The following NR5A2 variants were observed in gnomAD, a reference collection of about 807,000 sequenced individuals.
The protein encoded by NR5A2 is nuclear receptor subfamily 5 group A member 2.
NR5A2 carries 26 observed loss-of-function variants against 62.7 expected under a neutral mutation model. That is an observed-to-expected ratio of 0.41 (90% CI 0.30 to 0.58). NR5A2 has a LOEUF of 0.58. Ranked by LOEUF, NR5A2 falls within the 20% of genes least tolerant of loss-of-function variation. The pLI is 0.22. For missense variants in NR5A2, 541 were observed against 669.1 expected (o/e 0.81, Z 2.11); for synonymous variants, 246 against 241.7 (o/e 1.02, Z -0.16).
Position 200,147,633 on chromosome 1 carries a change from C to T in NR5A2, c.1379-26330C>T. On this transcript the variant is annotated intron_variant, in intron 7 of 7. Coordinates refer to ENST00000367362, the MANE Select transcript of NR5A2 (RefSeq NM_205860.3). This position sits in a 1 kb window ranked among gnomAD's most constrained non-coding sequence, Gnocchi z 4.9. ...CGCACAGGCAGCGCCGCAGCTTGCC[C>T]TGGATCTTGTCGATTGAGTTGAAGT... is the stretch of plus-strand genomic sequence containing the variant. The T allele has an allele frequency of 1.4e-6, 1 of 711,094 alleles. No homozygotes were observed. Among genetic ancestry groups the T allele is most frequent in the Non-Finnish European group, 2.6e-6 (1 of 379,248 alleles). The allele number at this position is 711,094 out of a possible 1,614,324, so 44.0% of individuals were successfully genotyped here. A position where few individuals can be genotyped will look rare whatever the true frequency, so the allele number is the denominator to read the frequency against.
Position 200,048,088 on chromosome 1 carries a change from T to C in NR5A2, c.464-84T>C. On this transcript the variant is annotated intron_variant, in intron 4 of 7. Transcript: ENST00000367362. This position sits in a 1 kb window ranked among gnomAD's most constrained non-coding sequence, Gnocchi z 4.8. ...ACACACATACCACTTCTTGTCGATT[T>C]ACATTTCTAAATATCTGAAGAATGC... 7.6e-7 allele frequency: 1 copy of C among 1,317,174 alleles called. No homozygotes were observed. Among genetic ancestry groups the C allele is most frequent in the Non-Finnish European group, 1.0e-6 (1 of 955,458 alleles). 81.6% of individuals were successfully genotyped at this position (1,317,174 alleles called of 1,614,324 possible). A position where few individuals can be genotyped will look rare whatever the true frequency, so the allele number is the denominator to read the frequency against.
At chr1:200,131,226 GTGT>G (rs1283182839) in intron 7 of NR5A2, among the ~76,000 whole-genome samples, 1 of 151,462 alleles carries the variant, frequency 6.6e-6, no homozygotes, top group Non-Finnish European at 1.5e-5. Context: ...AGTATAATAG[GTGT>G]TGTGGATTTT....
At chr1:200,103,395 C>T (rs1476764729) in intron 5 of NR5A2, among the ~76,000 whole-genome samples, 2 of 152,056 alleles carry the variant, frequency 1.3e-5, no homozygotes, top group Non-Finnish European at 2.9e-5. Context: ...GCTGTAATTA[C>T]GGATGTGAGC....
chr1:200,033,842 G>A lies in NR5A2; in HGVS notation c.65-5816G>A, dbSNP rs575972985. Among the ~76,000 whole-genome samples, 23 of 152,270 alleles carry A rather than the reference G, an allele frequency of 1.5e-4. No individual in the cohort carries two copies. In the South Asian group the frequency reaches 4.8e-3, roughly 32 times the overall value. On this transcript the variant is annotated intron_variant, in intron 1 of 7. Transcript: ENST00000367362. ...TTGAGTGTGACGGTACCACTGTTAA[G>A]TCTTGCCTTTCCAAGCTCCCACTTT...
intron 7 of NR5A2, among the ~76,000 whole-genome samples, chr1:200,140,197 T>A (rs1234231908): frequency 6.6e-6 from 1 of 152,114 alleles, no homozygotes; most frequent in Non-Finnish European, 1.5e-5. Context: ...ATATCTTCTG[T>A]GTAGATTATT....
At chr1:200,029,063 TGA>T (rs2102129021) in intron 1 of NR5A2, 1 of 448,846 alleles carries the variant, frequency 2.2e-6, no homozygotes, top group African/African-American at 2.0e-5. Flanking sequence ...ACAAGAAAGA[TGA>T]GAGAGCAGCA....
chr1:200,073,298 TTA>T (rs771272912), intron 5 of NR5A2, among the ~76,000 whole-genome samples: 58,765 of 116,264 alleles, frequency 0.51, 15,848 homozygotes, highest in African/African-American at 0.55. Context: ...ATATTCCCCT[TTA>T]TATATATATA....
intron 7 of NR5A2, among the ~76,000 whole-genome samples, chr1:200,141,648 A>C (rs544211911): frequency 6.6e-6 from 1 of 152,232 alleles, no homozygotes; most frequent in Non-Finnish European, 1.5e-5. Context: ...TTGTTGGGTC[A>C]TATGGGAAAC....
intron 5 of NR5A2, among the ~76,000 whole-genome samples, chr1:200,049,819 C>T (rs1662543504): frequency 6.6e-6 from 1 of 152,166 alleles, no homozygotes; most frequent in African/African-American, 2.4e-5. Flanking sequence ...GCAAAGCCGA[C>T]TTTTAATTTT....
intron 7 of NR5A2, among the ~76,000 whole-genome samples, chr1:200,159,445 GCATAACGGGA>G (rs953889146): frequency 1.2e-4 from 19 of 152,076 alleles, no homozygotes; most frequent in African/African-American, 4.6e-4. Flanking sequence ...TTGGGCGAGA[GCATAACGGGA>G]CAGTAGAGAC....
chr1:200,119,656 T>C, intron 6 of NR5A2, among the ~76,000 whole-genome samples: 1 of 152,190 alleles, frequency 6.6e-6, no homozygotes. Context: ...AGACGGAGTC[T>C]GGCTTCTTCC....
intron 7 of NR5A2, among the ~76,000 whole-genome samples, chr1:200,164,969 C>T (rs956002699): frequency 2.1e-5 from 3 of 144,846 alleles, no homozygotes; most frequent in African/African-American, 7.8e-5. Flanking sequence ...CTCCAACTCC[C>T]GGATTCAAGT....
At chr1:200,120,158 A>G (rs1429427162) in intron 6 of NR5A2, among the ~76,000 whole-genome samples, 1 of 152,202 alleles carries the variant, frequency 6.6e-6, no homozygotes, top group Non-Finnish European at 1.5e-5. Flanking sequence ...TCTATAAAGA[A>G]TAATTTAAAT....
In NR5A2 at chr1:200,048,362, T is replaced by C. The variant is rs762696952; in HGVS notation, c.654T>C (p.Ser218=). ...TISSAIQNIH[S]ASKGLPLNHA... is the part of the protein sequence containing the mutation. ...CCTCTGCAATTCAAAACATCCACTC[T>C]GCCTCCAAAGGCCTACCTCTGAACC... Residue 218 remains serine (S), a synonymous_variant, in exon 5 of 8, where the codon TCT becomes TCC. Transcript: ENST00000367362. This position sits in a 1 kb window ranked among gnomAD's most constrained non-coding sequence, Gnocchi z 4.8. The C allele has an allele frequency of 1.5e-5, 24 of 1,614,090 alleles. No homozygotes were observed. The highest frequency in any genetic ancestry group is 2.7e-5 in the African/African-American group (2 of 74,926).
intron 7 of NR5A2, among the ~76,000 whole-genome samples, chr1:200,162,180 G>T (rs61826184): frequency 0.35 from 52,509 of 152,086 alleles, 11,449 homozygotes; most frequent in African/African-American, 0.63. Flanking sequence ...ATTAACAAGA[G>T]AGACATATCC....
chr1:200,116,190 C>A (rs1042395060), intron 6 of NR5A2, among the ~76,000 whole-genome samples: 5 of 152,074 alleles, frequency 3.3e-5, no homozygotes, highest in African/African-American at 4.8e-5. Context: ...TTTGTTTCAC[C>A]TTGAAAGCAT....
intron 5 of NR5A2, among the ~76,000 whole-genome samples, chr1:200,096,242 C>A (rs111706453): frequency 0.085 from 12,938 of 152,164 alleles, 719 homozygotes; most frequent in Non-Finnish European, 0.13. Flanking sequence ...TGTGCGCCAC[C>A]ATGCCTGACT....
intron 7 of NR5A2, chr1:200,148,138 TG>T: frequency 2.8e-6 from 1 of 363,140 alleles, no homozygotes; most frequent in Non-Finnish European, 4.5e-6. Context: ...TTGCCCACGC[TG>T]GAGGAGGTGT....
chr1:200,041,100 G>A (rs1662050737), intron 2 of NR5A2, among the ~76,000 whole-genome samples: 1 of 152,156 alleles, frequency 6.6e-6, no homozygotes, highest in African/African-American at 2.4e-5. Flanking sequence ...CTGGGTTGGG[G>A]GACCTCAGCC....
Sources: gnomAD v4.1 joint callset for allele counts (sites outside exome capture counted in the v4.1 genomes callset) on GRCh38, gnomAD v4.1.1 for gene constraint, Gnocchi (gnomAD v3.1) non-coding constraint, MANE v1.5 for transcripts, NCBI Gene and HGNC (gene_info 2026-07-23, HGNC 2026-07-21) for gene names.